The following CCDC13 variants were observed in gnomAD, a reference collection of about 807,000 sequenced individuals.
CCDC13 encodes coiled-coil domain containing 13, also known as coiled-coil domain-containing protein 13.
A neutral mutation model predicts 87.3 loss-of-function variants in CCDC13; 70 were observed. That is an observed-to-expected ratio of 0.80 (90% CI 0.66 to 0.98). The LOEUF is 0.98. Ranked by LOEUF, CCDC13 falls within the 50% of genes least tolerant of loss-of-function variation. The pLI, the probability that CCDC13 is intolerant of heterozygous loss-of-function variation, is 0.00. For synonymous variants in CCDC13, 317 were observed against 360.3 expected (o/e 0.88, Z 1.36); for missense variants, 842 against 892.0 (o/e 0.94, Z 0.71).
chr3:42,705,335 G>A (rs1698152881), downstream of CCDC13, among the ~76,000 whole-genome samples: 1 of 152,130 alleles, frequency 6.6e-6, no homozygotes, highest in Non-Finnish European at 1.5e-5. Flanking sequence ...TGGGAGCAGG[G>A]GAGGGGCCCA....
At chr3:42,709,480 T>A (rs1698250887) in intron 15 of CCDC13, among the ~76,000 whole-genome samples, 1 of 152,244 alleles carries the variant, frequency 6.6e-6, no homozygotes, top group African/African-American at 2.4e-5. Flanking sequence ...TCTCTTGGAC[T>A]ATGGGTCATT....
At chr3:42,713,344 C>T in intron 13 of CCDC13, 28 bp from the exon 14 acceptor site, 1 of 1,610,458 alleles carries the variant, frequency 6.2e-7, no homozygotes. Context: ...GGGGATGCTA[C>T]ATGCCCTGGC....
At position 42,745,874 on chromosome 3, in the gene CCDC13, T is replaced by C. The variant is rs763190225; in HGVS notation, c.825+49A>G. 4 of 1,457,598 alleles carry C rather than the reference T, an allele frequency of 2.7e-6. No individual in the cohort carries two copies. The South Asian group carries it at 4.6e-5, about 17-fold the overall frequency. 90.3% of individuals were successfully genotyped at this position (1,457,598 alleles called of 1,614,324 possible). On this transcript the variant is annotated intron_variant, in intron 7 of 15. Coordinates refer to ENST00000310232, the MANE Select transcript of CCDC13 (RefSeq NM_144719.4). ...GGGGTCAGGGCAGCTCTTTCTGGGGTGTTTTAAATCCTTTGTTCAGGCCAG... is the reference window on the plus strand; with the variant it reads ...GGGGTCAGGGCAGCTCTTTCTGGGGCGTTTTAAATCCTTTGTTCAGGCCAG...
Position 42,739,373 on chromosome 3 carries a change from C to T in CCDC13, c.1164+261G>A, listed in dbSNP as rs555035827. Among the ~76,000 whole-genome samples, 5 of 152,326 alleles carry T rather than the reference C, an allele frequency of 3.3e-5. No individual in the cohort carries two copies. The South Asian group carries it at 1.0e-3, about 32-fold the overall frequency. ...CCTCCTTCCCCCAATACATTTCTGT[C>T]TCTTTTGGGGTCCATAGGCCCAGTG... On this transcript the variant is annotated intron_variant, in intron 9 of 15. Transcript: ENST00000310232.
rs1699385210 is a variant in CCDC13, at chr3:42,745,996, T to C, written c.752A>G (p.Asn251Ser). Residue 251 changes from asparagine to serine, a missense_variant, in exon 7 of 16, where the codon AAC becomes AGC. By Grantham distance (46) the Asn-to-Ser change is conservative (BLOSUM62 1). Transcript: ENST00000310232. ...VLAREVGEDI[N>S]VQQLLSSPGT... ...TGGCGAAGATAGGAGCTGCTGAACGTTGATGTCTTCCCCAACCTCTCTGGC... is the reference window on the plus strand; with the variant it reads ...TGGCGAAGATAGGAGCTGCTGAACGCTGATGTCTTCCCCAACCTCTCTGGC... 6.2e-7 allele frequency: 1 copy of C among 1,614,166 alleles called. No homozygotes were observed. Among genetic ancestry groups the C allele is most frequent in the African/African-American group, 1.3e-5 (1 of 75,030 alleles).
chr3:42,749,783 G>A (rs1699523970), intron 5 of CCDC13: 4 of 445,328 alleles, frequency 9.0e-6, no homozygotes, highest in Admixed American at 4.9e-5. Flanking sequence ...CTAAAGCGCA[G>A]TACATGGGGA....
At chr3:42,763,898 G>A (rs1244573112) in intron 1 of CCDC13, among the ~76,000 whole-genome samples, 1 of 152,144 alleles carries the variant, frequency 6.6e-6, no homozygotes, top group African/African-American at 2.4e-5. Flanking sequence ...GGTGGTCAGG[G>A]CACAGCTTGG....
At chr3:42,715,434 C>T (rs1698409302) in intron 13 of CCDC13, among the ~76,000 whole-genome samples, 1 of 151,898 alleles carries the variant, frequency 6.6e-6, no homozygotes, top group African/African-American at 2.4e-5. Context: ...CATGGTAAAA[C>T]CCCATATCTA....
At chr3:42,719,733 A>G (rs1698516978) in intron 13 of CCDC13, among the ~76,000 whole-genome samples, 1 of 152,144 alleles carries the variant, frequency 6.6e-6, no homozygotes, top group East Asian at 1.9e-4. Flanking sequence ...CCATGTGGCC[A>G]TGCTTTCTCT....
chr3:42,760,646 T>C (rs548932410), intron 1 of CCDC13, among the ~76,000 whole-genome samples: 322 of 151,642 alleles, frequency 2.1e-3, no homozygotes, highest in African/African-American at 7.3e-3. Context: ...CTGGGCGAGG[T>C]TGCAGTGAGC....
chr3:42,710,458 T>C (rs1452002122), intron 14 of CCDC13, among the ~76,000 whole-genome samples: 3 of 152,122 alleles, frequency 2.0e-5, no homozygotes, highest in African/African-American at 4.8e-5. Flanking sequence ...GATGCCCTCA[T>C]ACCAGTGGTC....
chr3:42,752,839 G>A, intron 3 of CCDC13, 122 bp from the exon 4 acceptor site: 4 of 1,248,946 alleles, frequency 3.2e-6, no homozygotes, highest in Non-Finnish European at 3.4e-6. Flanking sequence ...TGCTCATAAA[G>A]GGGCACTAAC....
chr3:42,754,795 A>G (rs904430538), intron 3 of CCDC13, among the ~76,000 whole-genome samples: 3 of 152,186 alleles, frequency 2.0e-5, no homozygotes, highest in African/African-American at 7.2e-5. Flanking sequence ...AAGAGCAGGA[A>G]GTGGGGCTCA....
chr3:42,749,929 G>A (rs1277095118), intron 5 of CCDC13: 1 of 456,682 alleles, frequency 2.2e-6, no homozygotes, highest in South Asian at 1.5e-5. Context: ...CCTCTGGAGT[G>A]TGGCTCGGGC....
chr3:42,772,026 C>G (rs2125918994), intron 1 of CCDC13, among the ~76,000 whole-genome samples: 1 of 151,786 alleles, frequency 6.6e-6, no homozygotes, highest in Admixed American at 6.6e-5. Flanking sequence ...AATCCCAAAA[C>G]TTTGGGAGGC....
chr3:42,753,428 C>T (rs1342198725), intron 3 of CCDC13, among the ~76,000 whole-genome samples: 5 of 152,196 alleles, frequency 3.3e-5, no homozygotes, highest in African/African-American at 1.2e-4. Context: ...GAAAGGCATA[C>T]ATTCATTTAG....
At position 42,752,098 on chromosome 3, in the gene CCDC13, T is replaced by C. The variant is rs796301027; in HGVS notation, c.514-73A>G. 9 of 1,313,138 alleles carry C rather than the reference T, an allele frequency of 6.9e-6. No individual in the cohort carries two copies. The African/African-American group carries it at 7.2e-5, about 10-fold the overall frequency. The allele number at this position is 1,313,138 out of a possible 1,614,324, so 81.3% of individuals were successfully genotyped here. ...GCCCAAGGAAAGCACTCTGGTGCCA[T>C]TGTGTGTGTGGTTACCTATCTTGGT... is the stretch of plus-strand genomic sequence containing the variant. On this transcript the variant is annotated intron_variant, in intron 4 of 15. Transcript: ENST00000310232.
In CCDC13 at chr3:42,706,056, G is replaced by A. The variant is rs9836162; in HGVS notation, c.*2924C>T. The A allele has an allele frequency of 0.27, 41,456 of 152,156 alleles. 5,693 individuals are homozygous for A. Among genetic ancestry groups the A allele is most frequent in the South Asian group, 0.32 (1,554 of 4,810 alleles). The allele number at this position is 152,156 out of a possible 1,614,324, so 9.4% of individuals were successfully genotyped here. On this transcript the variant is annotated 3_prime_UTR_variant, in exon 16 of 16. Coordinates refer to ENST00000310232, the MANE Select transcript of CCDC13 (RefSeq NM_144719.4). ...ATCCTTCCCCACCCAGCTCCATCAT[G>A]GCGTTTCCCACACCTCTGATTGGAC...
intron 13 of CCDC13, among the ~76,000 whole-genome samples, chr3:42,720,813 AT>A (rs1698543005): frequency 6.6e-6 from 1 of 152,246 alleles, no homozygotes. Flanking sequence ...AAACATTGGA[AT>A]AAAAGCACAA....
Sources: gnomAD v4.1 joint callset for allele counts (sites outside exome capture counted in the v4.1 genomes callset) on GRCh38, gnomAD v4.1.1 for gene constraint, MANE v1.5 for transcripts, NCBI Gene and HGNC (gene_info 2026-07-23, HGNC 2026-07-21) for gene names.